Variants in KIAA1217 observed in about 807,000 individuals in gnomAD.
KIAA1217 encodes the protein sickle tail protein homolog.
KIAA1217 carries 88 observed loss-of-function variants against 163.9 expected under a neutral mutation model. The ratio of observed to expected loss-of-function variants is 0.54; its 90% CI spans 0.45 to 0.64. KIAA1217 has a LOEUF of 0.64. Ranked by LOEUF, KIAA1217 falls within the 30% of genes least tolerant of loss-of-function variation. The pLI is 0.00. For missense variants in KIAA1217, 2,372 were observed against 2,475.0 expected, an observed-to-expected ratio of 0.96 and a Z score of 0.88; for synonymous variants, 903 against 923.1, an observed-to-expected ratio of 0.98 and a Z score of 0.39.
At chr10:24,033,834 G>A (rs1263423014) in intron 2 of KIAA1217, among the ~76,000 whole-genome samples, 1 of 152,152 alleles carries the variant, frequency 6.6e-6, no homozygotes, top group Non-Finnish European at 1.5e-5. Context: ...CCATTCACTG[G>A]CATTTTGTCT....
At chr10:23,834,919 C>G (rs1286430949) in intron 1 of KIAA1217, among the ~76,000 whole-genome samples, 1 of 152,076 alleles carries the variant, frequency 6.6e-6, no homozygotes, top group Admixed American at 6.6e-5. Flanking sequence ...AATAAACATT[C>G]AAATCACTGT....
chr10:24,255,464 G>T (rs754096998), intron 2 of KIAA1217: 9 of 454,638 alleles, frequency 2.0e-5, no homozygotes, highest in Admixed American at 4.7e-5. Flanking sequence ...AACATTAAAG[G>T]TCTGGCTGAT....
At chr10:23,872,297 T>G (rs1840491487) in intron 1 of KIAA1217, among the ~76,000 whole-genome samples, 1 of 148,142 alleles carries the variant, frequency 6.8e-6, no homozygotes, top group Non-Finnish European at 1.5e-5. Context: ...CAATAGATTT[T>G]AAAAGACTTA....
chr10:24,397,458 A>G (rs2055951143), intron 3 of KIAA1217, among the ~76,000 whole-genome samples: 1 of 152,202 alleles, frequency 6.6e-6, no homozygotes, highest in African/African-American at 2.4e-5. Flanking sequence ...CTAAGCACTC[A>G]TTCTATGCTA....
chr10:24,097,167 G>T (rs1407335505), intron 2 of KIAA1217, among the ~76,000 whole-genome samples: 1 of 152,130 alleles, frequency 6.6e-6, no homozygotes, highest in East Asian at 1.9e-4. Context: ...AATATAGCCT[G>T]GATTAGAATG....
intron 3 of KIAA1217, among the ~76,000 whole-genome samples, chr10:24,413,734 C>T (rs542763917): frequency 3.9e-5 from 6 of 152,330 alleles, no homozygotes; most frequent in African/African-American, 1.4e-4. Flanking sequence ...GCCTCCTTCC[C>T]CCAGATATCT....
rs147469490 is a variant in KIAA1217 at position 23,753,798 on chromosome 10, A to T, written c.-321+58564A>T. 3.5e-3 allele frequency among the ~76,000 whole-genome samples: 539 copies of T among 152,322 alleles called. 4 individuals carry two copies. Among genetic ancestry groups the T allele is most frequent in the African/African-American group, 0.012 (502 of 41,574 alleles). ...AATTAAGAACTTTTGAAGAACCATCACGTCTCCTGTGATTTTTAAACATCT... is the reference window on the plus strand; with the variant it reads ...AATTAAGAACTTTTGAAGAACCATCTCGTCTCCTGTGATTTTTAAACATCT... On this transcript the variant is annotated intron_variant, in intron 1 of 18. Transcript: ENST00000376462.
At chr10:24,044,826 CA>C (rs1848877523) in intron 2 of KIAA1217, among the ~76,000 whole-genome samples, 1 of 152,080 alleles carries the variant, frequency 6.6e-6, no homozygotes. Context: ...CTTCTGTCCT[CA>C]GCATCTCTAT....
intron 1 of KIAA1217, among the ~76,000 whole-genome samples, chr10:23,993,046 T>TTG (rs1427988858): frequency 8.7e-5 from 13 of 149,478 alleles, no homozygotes; most frequent in Non-Finnish European, 1.9e-4. Context: ...TTTTTTTTTT[T>TTG]TTTGAGATGG....
intron 2 of KIAA1217, among the ~76,000 whole-genome samples, chr10:24,375,119 G>A (rs1053960019): frequency 2.0e-5 from 3 of 152,182 alleles, no homozygotes; most frequent in Admixed American, 1.3e-4. Flanking sequence ...ACACCTGGCT[G>A]TTGGTCACAG....
intron 4 of KIAA1217, among the ~76,000 whole-genome samples, chr10:24,433,921 A>C (rs1362718240): frequency 6.6e-6 from 1 of 150,854 alleles, no homozygotes; most frequent in African/African-American, 2.4e-5. Context: ...CAGGGCCCCC[A>C]GTTGAATATC....
chr10:23,814,029 ATGACTTTTTGG>A (rs1564444356), intron 1 of KIAA1217, among the ~76,000 whole-genome samples: 1 of 152,164 alleles, frequency 6.6e-6, no homozygotes, highest in Non-Finnish European at 1.5e-5. Context: ...TAGTATATCC[ATGACTTTTTGG>A]TGACTTCAAA....
chr10:24,319,838 G>A (rs1010321142), intron 2 of KIAA1217, among the ~76,000 whole-genome samples: 5 of 152,186 alleles, frequency 3.3e-5, no homozygotes, highest in African/African-American at 1.2e-4. Context: ...CTTTGCCAAA[G>A]CACTTTAAGC....
At chr10:23,760,772 C>T (rs544099864) in intron 1 of KIAA1217, among the ~76,000 whole-genome samples, 1 of 152,128 alleles carries the variant, frequency 6.6e-6, no homozygotes, top group South Asian at 2.1e-4. Flanking sequence ...AAGACCCTGT[C>T]TCTGCAAAAA....
In KIAA1217 at chr10:23,984,471, C is replaced by A. The variant is rs150302486; in HGVS notation, c.-320-22754C>A. Among the ~76,000 whole-genome samples, 135 of 152,286 alleles carry A rather than the reference C, an allele frequency of 8.9e-4. 1 individual carries two copies. Among genetic ancestry groups the A allele is most frequent in the African/African-American group, 3.1e-3 (127 of 41,550 alleles). The stretch of plus-strand genomic sequence containing the variant: ...ATAAAGGCACATGCATAAGTATGTT[C>A]ATTGCAGCACTGTTTACAATAGCAA... On this transcript the variant is annotated intron_variant, in intron 1 of 18. Transcript: ENST00000376462.
intron 1 of KIAA1217, among the ~76,000 whole-genome samples, chr10:23,840,468 T>C (rs1428741407): frequency 6.6e-6 from 1 of 152,154 alleles, no homozygotes; most frequent in Non-Finnish European, 1.5e-5. Context: ...TATATCTTTC[T>C]TTCAGTGTTA....
chr10:24,282,428 T>C (rs1315899523), intron 2 of KIAA1217, among the ~76,000 whole-genome samples: 2 of 152,184 alleles, frequency 1.3e-5, no homozygotes, highest in Non-Finnish European at 2.9e-5. Flanking sequence ...AGAATCTGCA[T>C]AAATTATTTG....
chr10:23,789,898 T>C (rs1405567683), intron 1 of KIAA1217, among the ~76,000 whole-genome samples: 1 of 148,562 alleles, frequency 6.7e-6, no homozygotes, highest in Non-Finnish European at 1.5e-5. Context: ...ATATATATGA[T>C]ATATACATAT....
intron 2 of KIAA1217, among the ~76,000 whole-genome samples, chr10:24,256,048 A>G (rs1325699668): frequency 1.6e-4 from 2 of 12,546 alleles, no homozygotes; most frequent in African/African-American, 5.6e-4. Flanking sequence ...CAGATGACCA[A>G]AAAAAAAAAA....
Sources: gnomAD v4.1 joint callset for allele counts (sites outside exome capture counted in the v4.1 genomes callset) on GRCh38, gnomAD v4.1.1 for gene constraint, MANE v1.5 for transcripts, NCBI Gene and HGNC (gene_info 2026-07-23, HGNC 2026-07-21) for gene names.